Variants in HORMAD2 observed in about 807,000 individuals in gnomAD.
HORMAD2 encodes the protein HORMA domain-containing protein 2.
A neutral mutation model predicts 38.8 loss-of-function variants in HORMAD2; 45 were observed. That is an observed-to-expected ratio of 1.16 (90% CI 0.91 to 1.49). HORMAD2 has a LOEUF of 1.49. Among genes scored for constraint, HORMAD2 ranks in the 40% most tolerant of loss-of-function variants. HORMAD2 has a pLI of 0.00. For missense variants in HORMAD2, 338 were observed against 367.0 expected (o/e 0.92, Z 0.65); for synonymous variants, 126 against 122.8 (o/e 1.03, Z -0.17).
chr22:30,108,194 C>G (rs1921349432), intron 5 of HORMAD2, among the ~76,000 whole-genome samples: 1 of 152,114 alleles, frequency 6.6e-6, no homozygotes. Flanking sequence ...AGCTATCTAG[C>G]TTGTTTCCTT....
At chr22:30,133,028 T>A (rs1291142574) in intron 10 of HORMAD2, among the ~76,000 whole-genome samples, 3 of 152,172 alleles carry the variant, frequency 2.0e-5, no homozygotes, top group Non-Finnish European at 4.4e-5. Flanking sequence ...AAAAAAGAGA[T>A]GCCTCTAATA....
At chr22:30,174,023 C>T (rs1468359230) in intron 10 of HORMAD2, among the ~76,000 whole-genome samples, 1 of 152,144 alleles carries the variant, frequency 6.6e-6, no homozygotes, top group African/African-American at 2.4e-5. Context: ...AGTAGGGCAA[C>T]ATCATATACA....
intron 10 of HORMAD2, among the ~76,000 whole-genome samples, chr22:30,169,695 A>G (rs1925994535): frequency 6.6e-6 from 1 of 152,196 alleles, no homozygotes; most frequent in Non-Finnish European, 1.5e-5. Flanking sequence ...TCATTTGGAT[A>G]TCTCACATCT....
At chr22:30,177,838 C>A (rs531679455), downstream of HORMAD2, among the ~76,000 whole-genome samples, 2 of 150,994 alleles carry the variant, frequency 1.3e-5, no homozygotes, top group African/African-American at 2.4e-5. Context: ...TGCCACCATG[C>A]CTGGCTAATT....
chr22:30,147,353 G>T (rs1924479302), intron 10 of HORMAD2, among the ~76,000 whole-genome samples: 1 of 152,020 alleles, frequency 6.6e-6, no homozygotes, highest in Non-Finnish European at 1.5e-5. Context: ...TTTTATAAAG[G>T]TATCAAGGTA....
chr22:30,169,673 T>C (rs1925992642), intron 10 of HORMAD2, among the ~76,000 whole-genome samples: 1 of 152,224 alleles, frequency 6.6e-6, no homozygotes, highest in Non-Finnish European at 1.5e-5. Flanking sequence ...AGTCAACACC[T>C]GGTGAACATC....
chr22:30,126,459 G>A (rs1417628916), intron 10 of HORMAD2, among the ~76,000 whole-genome samples: 3 of 152,110 alleles, frequency 2.0e-5, no homozygotes, highest in Non-Finnish European at 4.4e-5. Context: ...GAGCCACCAC[G>A]CAGGGCCGAG....
At chr22:30,174,471 A>G (rs778862761) in intron 10 of HORMAD2, among the ~76,000 whole-genome samples, 4 of 152,222 alleles carry the variant, frequency 2.6e-5, no homozygotes, top group Non-Finnish European at 5.9e-5. Flanking sequence ...CAAATTTTCT[A>G]TGAACCATTG....
At chr22:30,125,169 TA>T (rs1288169897) in intron 10 of HORMAD2, among the ~76,000 whole-genome samples, 1 of 151,444 alleles carries the variant, frequency 6.6e-6, no homozygotes, top group East Asian at 1.9e-4. Flanking sequence ...TATGTTGCAA[TA>T]TTTTTTTCAT....
At chr22:30,131,795 CT>C (rs910541384) in intron 10 of HORMAD2, among the ~76,000 whole-genome samples, 2 of 152,040 alleles carry the variant, frequency 1.3e-5, no homozygotes, top group Non-Finnish European at 2.9e-5. Context: ...TTTAAGATAG[CT>C]TTTTTCTTTT....
chr22:30,088,166 T>TATGTATACATATATACATATATACCC (rs1459905911), intron 1 of HORMAD2, among the ~76,000 whole-genome samples: 2,316 of 150,734 alleles, frequency 0.015, 62 homozygotes, highest in African/African-American at 0.054. Flanking sequence ...CACGTATACC[T>TATGTATACATATATACATATATACCC]ATGTATACAT....
In HORMAD2 at chr22:30,122,249, A is replaced by G. The variant is rs1027646568; in HGVS notation, c.819+35A>G. ...AGCTTTAGAGATTTTCTATCGTGTC[A>G]GTTAAACACAATTGATATTTTTCAG... On this transcript the variant is annotated intron_variant, in intron 10 of 10. Coordinates refer to ENST00000336726, the MANE Select transcript of HORMAD2 (RefSeq NM_152510.4). 44 of 1,568,520 alleles carry G rather than the reference A, an allele frequency of 2.8e-5. No homozygotes were observed. The East Asian group carries it at 3.6e-4, about 13-fold the overall frequency.
At chr22:30,140,282 G>T (rs1032584248) in intron 10 of HORMAD2, among the ~76,000 whole-genome samples, 1 of 151,874 alleles carries the variant, frequency 6.6e-6, no homozygotes, top group African/African-American at 2.4e-5. Context: ...AAAAGAAAAA[G>T]TGTGCATGAG....
At chr22:30,187,365 C>T in the HORMAD2 span, among the ~76,000 whole-genome samples, 1 of 152,152 alleles carries the variant, frequency 6.6e-6, no homozygotes, top group Admixed American at 6.5e-5. Context: ...TTGAACCAGG[C>T]AGTCTGACTC....
the HORMAD2 span, among the ~76,000 whole-genome samples, chr22:30,189,208 C>T: frequency 3.9e-5 from 6 of 152,012 alleles, no homozygotes; most frequent in Non-Finnish European, 7.4e-5. Context: ...TCTGAGTCTT[C>T]GCTTCTAGTC....
upstream of HORMAD2, among the ~76,000 whole-genome samples, chr22:30,079,707 TC>T (rs1473163910): frequency 6.6e-6 from 1 of 151,914 alleles, no homozygotes; most frequent in Non-Finnish European, 1.5e-5. Flanking sequence ...TGAGACGGAG[TC>T]TCGCTCTGTC....
intron 10 of HORMAD2, among the ~76,000 whole-genome samples, chr22:30,162,189 T>G (rs1156598095): frequency 6.6e-6 from 1 of 152,126 alleles, no homozygotes; most frequent in Non-Finnish European, 1.5e-5. Flanking sequence ...GATGTGTGCC[T>G]GTAGTCCCAG....
intron 10 of HORMAD2, among the ~76,000 whole-genome samples, chr22:30,127,137 G>A (rs1015708610): frequency 6.8e-6 from 1 of 147,400 alleles, no homozygotes; most frequent in Non-Finnish European, 1.5e-5. Context: ...TACATGTATT[G>A]TGAATATCTT....
At chr22:30,126,324 A>G (rs1304864846) in intron 10 of HORMAD2, among the ~76,000 whole-genome samples, 3 of 152,102 alleles carry the variant, frequency 2.0e-5, no homozygotes, top group Admixed American at 2.0e-4. Flanking sequence ...GCCCGCCACC[A>G]CACCGCCTAA....
Sources: gnomAD v4.1 joint callset for allele counts (sites outside exome capture counted in the v4.1 genomes callset) on GRCh38, gnomAD v4.1.1 for gene constraint, MANE v1.5 for transcripts, NCBI Gene and HGNC (gene_info 2026-07-23, HGNC 2026-07-21) for gene names.